The following ATP13A2 variants were observed in gnomAD, a reference collection of about 807,000 sequenced individuals.
The protein encoded by ATP13A2 is polyamine-transporting ATPase 13A2.
ATP13A2 carries 83 observed loss-of-function variants against 138.3 expected under a neutral mutation model. That is an observed-to-expected ratio of 0.60 (90% CI 0.50 to 0.72). ATP13A2 has a LOEUF of 0.72. ATP13A2 is among the 30% of genes least tolerant of loss of function. ATP13A2 has a pLI of 0.00. For synonymous variants in ATP13A2, 663 were observed against 699.0 expected, an observed-to-expected ratio of 0.95 and a Z score of 0.81; for missense variants, 1,402 against 1,606.4, an observed-to-expected ratio of 0.87 and a Z score of 2.17.
chr1:17,010,143 T>C (rs1267092537), intron 1 of ATP13A2, among the ~76,000 whole-genome samples: 1 of 130,742 alleles, frequency 7.6e-6, no homozygotes, highest in African/African-American at 3.0e-5. Context: ...AGTGGAGAGA[T>C]CTCAGCTCAC....
Position 17,004,255 on chromosome 1 carries a change from C to A in ATP13A2, c.557+77G>T. The A allele has an allele frequency of 6.8e-7, 1 of 1,464,798 alleles. No individual in the cohort carries two copies. The highest frequency in any genetic ancestry group is 1.4e-5 in the African/African-American group (1 of 71,468). 90.7% of individuals were successfully genotyped at this position (1,464,798 alleles called of 1,614,324 possible). A position where few individuals can be genotyped will look rare whatever the true frequency, so the allele number is the denominator to read the frequency against. On this transcript the variant is annotated intron_variant, in intron 6 of 28. Coordinates refer to ENST00000326735, the MANE Select transcript of ATP13A2 (RefSeq NM_022089.4). This position sits in a 1 kb window ranked among gnomAD's most constrained non-coding sequence, Gnocchi z 4.1. The stretch of plus-strand genomic sequence containing the variant: ...TCAGAGCTGAGAGGGGAGCCCAGGC[C>A]ATGCCATGCCACCGTCTGTGCCCAA...
rs752153026 is a variant in ATP13A2, at chr1:16,993,604, G to A, written c.1749+25C>T. The A allele has an allele frequency of 3.2e-6, 5 of 1,561,834 alleles. No individual in the cohort carries two copies. The Admixed American group carries it at 9.6e-5, about 30-fold the overall frequency. On this transcript the variant is annotated intron_variant, in intron 16 of 28. Coordinates refer to ENST00000326735, the MANE Select transcript of ATP13A2 (RefSeq NM_022089.4). ...TTAGGCCCCACTGCCCAGAGGCAGGGGGCTGACCTGCTTGGCCTCCTCACC... is the reference window on the plus strand; with the variant it reads ...TTAGGCCCCACTGCCCAGAGGCAGGAGGCTGACCTGCTTGGCCTCCTCACC...
chr1:17,002,454 T>G, intron 6 of ATP13A2, 81 bp from the exon 7 acceptor site: 1 of 1,496,210 alleles, frequency 6.7e-7, no homozygotes, highest in Non-Finnish European at 9.1e-7. Context: ...CTGGAGACTA[T>G]GGGCTCTAGG....
At position 17,011,018 on chromosome 1, in the gene ATP13A2, C is replaced by G. The variant is rs1278539860; in HGVS notation, c.10+711G>C. ...TTCCCCTCCCTCGCCGGGGGGTGCA[C>G]TCTAGGCTGTGGGGCTGGGGGCTGA... On this transcript the variant is annotated intron_variant, in intron 1 of 28. Transcript: ENST00000326735. The surrounding 1 kb of genome is among the most constrained non-coding windows in gnomAD (Gnocchi z 7.3). Among the ~76,000 whole-genome samples, 1 of 152,100 alleles carries G rather than the reference C, an allele frequency of 6.6e-6. No individual in the cohort carries two copies. The highest frequency in any genetic ancestry group is 1.5e-5 in the Non-Finnish European group (1 of 68,018).
chr1:16,997,188 G>A lies in ATP13A2; in HGVS notation c.1040-13C>T, dbSNP rs376485215. ...GGAATGCTCTCTCCTGGTGGGGAAC[G>A]TGGTGTGAGGACCACTCCACACCCC... On this transcript the variant is annotated splice_polypyrimidine_tract_variant and intron_variant, in intron 11 of 28. Transcript: ENST00000326735. The A allele has an allele frequency of 9.9e-5, 159 of 1,613,090 alleles. No homozygotes were observed. Among genetic ancestry groups the A allele is most frequent in the Admixed American group, 6.0e-4 (36 of 60,008 alleles).
chr1:16,996,343 TG>T lies in ATP13A2; in HGVS notation c.1306+42del, dbSNP rs140436868. On this transcript the variant is annotated intron_variant, in intron 13 of 28. Transcript: ENST00000326735. Reference sequence around the variant, plus strand: ...GACTGAGTGGGATTTGGGACCCAGGTGGGGGGGGCTATGGGCAGAGGAGGGT... The same window carrying T: ...GACTGAGTGGGATTTGGGACCCAGGTGGGGGGGCTATGGGCAGAGGAGGGT... 6,787 of 1,611,534 alleles carry T rather than the reference TG, an allele frequency of 4.2e-3. 228 individuals are homozygous for T. In the African/African-American group the frequency reaches 0.076, roughly 18 times the overall value.
In ATP13A2 at chr1:17,000,444, T is replaced by C; in HGVS notation, c.796A>G (p.Ile266Val). 6.2e-7 allele frequency: 1 copy of C among 1,613,580 alleles called. No homozygotes were observed. The highest frequency in any genetic ancestry group is 8.5e-7 in the Non-Finnish European group (1 of 1,179,854). ...GACAGGCAGATGGAGATGGAGGAAA[T>C]GAGGAAGATGCACAGGGCGTACCAG... is the stretch of plus-strand genomic sequence containing the variant. ...YYWYALCIFL[I>V]SSISICLSLY... Residue 266 changes from isoleucine (I) to valine (V), a missense_variant, in exon 9 of 29, where the codon ATT (isoleucine) becomes GTT (valine). Coordinates refer to ENST00000326735, the MANE Select transcript of ATP13A2 (RefSeq NM_022089.4).
chr1:16,992,994 C>A (rs928633212), intron 16 of ATP13A2, among the ~76,000 whole-genome samples: 4 of 151,758 alleles, frequency 2.6e-5, no homozygotes, highest in African/African-American at 9.7e-5. Flanking sequence ...CGGCTTACTG[C>A]AACCTCTGCC....
At position 17,005,505 on chromosome 1, in the gene ATP13A2, C is replaced by T. The variant is rs142699829; in HGVS notation, c.157G>A (p.Val53Met). The T allele has an allele frequency of 4.8e-5, 77 of 1,614,258 alleles. No homozygotes were observed. Among genetic ancestry groups the T allele is most frequent in the Non-Finnish European group, 5.7e-5 (67 of 1,180,052 alleles). ...SPWRVIGYHV[V>M]VWMMAGIPLL... ...GGGATCCCAGCCATCATCCAGACCA[C>T]GACGTGATAGCCGATGACCCTCCAT... The change falls in exon 3 of 29, where the codon GTG becomes ATG. Residue 53 changes from valine to methionine, a missense_variant. Transcript: ENST00000326735.
Position 16,986,798 on chromosome 1 carries a change from G to A in ATP13A2, c.3235+7C>T. The A allele has an allele frequency of 6.2e-7, 1 of 1,612,560 alleles. No individual in the cohort carries two copies. Among genetic ancestry groups the A allele is most frequent in the Middle Eastern group, 1.7e-4 (1 of 5,864 alleles). On this transcript the variant is annotated splice_region_variant and intron_variant, in intron 27 of 28. Coordinates refer to ENST00000326735, the MANE Select transcript of ATP13A2 (RefSeq NM_022089.4). This position sits in a 1 kb window ranked among gnomAD's most constrained non-coding sequence, Gnocchi z 6.9. ...CCAGCATCTCCCGCCCGCGCCCGCA[G>A]TGGCACCATTGGTGTAGAGCGGCCG... is the stretch of plus-strand genomic sequence containing the variant.
chr1:16,992,157 G>A, intron 18 of ATP13A2, 28 bp from the exon 19 acceptor site: 1 of 1,612,292 alleles, frequency 6.2e-7, no homozygotes, highest in Non-Finnish European at 8.5e-7. Flanking sequence ...GTGTCACAAG[G>A]AGGGGATGGC....
At chr1:17,006,909 G>T (rs2077580795) in intron 1 of ATP13A2, among the ~76,000 whole-genome samples, 2 of 150,438 alleles carry the variant, frequency 1.3e-5, no homozygotes, top group Non-Finnish European at 3.0e-5. Flanking sequence ...TTTTTTTTTT[G>T]AGATGAAGTC....
Position 16,986,341 on chromosome 1 carries a change from G to A in ATP13A2, c.3423C>T (p.Cys1141=), listed in dbSNP as rs950374667. 4 of 1,579,392 alleles carry A rather than the reference G, an allele frequency of 2.5e-6. No homozygotes were observed. The highest frequency in any genetic ancestry group is 1.9e-5 in the Admixed American group (1 of 53,908). ...AFMLESVLDQ[C]LPACLRRLRP... ...GGAGGCGGCGCAGGCAGGCGGGGAG[G>A]CACTGGTCTAGCACGCTCTGCAAAG... is the stretch of plus-strand genomic sequence containing the variant. The change falls in exon 29 of 29, where the codon TGC becomes TGT. Residue 1141 remains cysteine (C), a synonymous_variant. Coordinates refer to ENST00000326735, the MANE Select transcript of ATP13A2 (RefSeq NM_022089.4). The surrounding 1 kb of genome is among the most constrained non-coding windows in gnomAD (Gnocchi z 6.9).
In ATP13A2 at chr1:16,993,758, G is replaced by A; in HGVS notation, c.1620C>T (p.Val540=). The stretch of plus-strand genomic sequence containing the variant: ...CCACAGGCAGGCGGCGAGGCTCTGG[G>A]ACCAGGGGCAGGAATGCCTGCCCCT... The part of the protein sequence containing the change: ...PLKGQAFLPL[V]PEPRRLPVGP... The change falls in exon 16 of 29, where the codon GTC becomes GTT. Residue 540 remains valine, a synonymous_variant. Transcript: ENST00000326735. 6.3e-7 allele frequency: 1 copy of A among 1,591,158 alleles called. No homozygotes were observed. The highest frequency in any genetic ancestry group is 8.5e-7 in the Non-Finnish European group (1 of 1,169,844).
rs556291428 is a variant in ATP13A2, at chr1:16,993,520, T to C, written c.1749+109A>G. 3.6e-5 allele frequency: 39 copies of C among 1,085,788 alleles called. No individual in the cohort carries two copies. The East Asian group carries it at 9.7e-4, about 27-fold the overall frequency. 67.3% of individuals were successfully genotyped at this position (1,085,788 alleles called of 1,614,324 possible). On this transcript the variant is annotated intron_variant, in intron 16 of 28. Transcript: ENST00000326735. The stretch of plus-strand genomic sequence containing the variant: ...ACTGCGCCTGGCCTATTATTATTAA[T>C]GGTGGGCATAATAAGAGACCACCCT...
intron 1 of ATP13A2, among the ~76,000 whole-genome samples, chr1:17,006,835 A>G (rs955293450): frequency 6.6e-6 from 1 of 152,180 alleles, no homozygotes; most frequent in Non-Finnish European, 1.5e-5. Context: ...CTGCAGGCCT[A>G]TCTTTACAGA....
Position 16,989,917 on chromosome 1 carries a change from A to G in ATP13A2, c.2499T>C (p.Ile833=). ...GCAGCAGCTTGGGGAAGTGCTTCACAATGATACCAAAGGTGGGCCCGCTGA... is the reference window on the plus strand; with the variant it reads ...GCAGCAGCTTGGGGAAGTGCTTCACGATGATACCAAAGGTGGGCCCGCTGA... ...LALSGPTFGI[I]VKHFPKLLPK... The change falls in exon 22 of 29, where the codon ATT becomes ATC. Residue 833 remains isoleucine (I), a synonymous_variant. Transcript: ENST00000326735. 6.2e-7 allele frequency: 1 copy of G among 1,601,270 alleles called. No individual in the cohort carries two copies. Among genetic ancestry groups the G allele is most frequent in the Non-Finnish European group, 8.5e-7 (1 of 1,173,860 alleles).
At chr1:16,998,497 C>A (rs2077226014) in intron 11 of ATP13A2, among the ~76,000 whole-genome samples, 1 of 152,148 alleles carries the variant, frequency 6.6e-6, no homozygotes, top group African/African-American at 2.4e-5. Context: ...CGAGCCACTG[C>A]GCCTGGCCTA....
chr1:17,000,737 T>C, intron 8 of ATP13A2: 3 of 650,024 alleles, frequency 4.6e-6, no homozygotes, highest in Non-Finnish European at 7.7e-6. Context: ...AGGACAAGGG[T>C]TTATGACCAG....
Sources: allele counts gnomAD v4.1 joint callset (sites outside exome capture counted in the v4.1 genomes callset), GRCh38; gene constraint gnomAD v4.1.1; non-coding constraint Gnocchi (gnomAD v3.1); transcripts MANE v1.5; gene names NCBI Gene and HGNC (gene_info 2026-07-23, HGNC 2026-07-21).